DPP6: variants seen among roughly 807,000 people sequenced by gnomAD.
DPP6 encodes dipeptidyl peptidase like 6.
A neutral mutation model predicts 122.6 loss-of-function variants in DPP6; 69 were observed. The ratio of observed to expected loss-of-function variants is 0.56; its 90% CI spans 0.46 to 0.69. The LOEUF (loss-of-function observed/expected upper bound fraction) is 0.69. Ranked by LOEUF, DPP6 falls within the 30% of genes least tolerant of loss-of-function variation. DPP6 has a pLI of 0.00. For missense variants in DPP6, 928 were observed against 1,116.9 expected, an observed-to-expected ratio of 0.83 and a Z score of 2.41; for synonymous variants, 418 against 433.1, an observed-to-expected ratio of 0.97 and a Z score of 0.43.
At chr7:154,380,436 A>G (rs115986873) in intron 1 of DPP6, among the ~76,000 whole-genome samples, 1 of 152,230 alleles carries the variant, frequency 6.6e-6, no homozygotes, top group Non-Finnish European at 1.5e-5. Flanking sequence ...CGACATCTAC[A>G]TGAAGTGCAG....
At chr7:154,748,711 G>A (rs913144297) in intron 8 of DPP6, among the ~76,000 whole-genome samples, 7 of 152,184 alleles carry the variant, frequency 4.6e-5, no homozygotes, top group Admixed American at 3.9e-4. Context: ...TCACAGTGGA[G>A]GGTGTGAGCA....
intron 1 of DPP6, among the ~76,000 whole-genome samples, chr7:153,902,215 A>T (rs1034324063): frequency 2.0e-5 from 3 of 152,226 alleles, no homozygotes; most frequent in African/African-American, 7.2e-5. Flanking sequence ...TGTTTTCAAG[A>T]TAAACAGTAG....
At chr7:154,293,924 G>A (rs1805367392) in intron 1 of DPP6, among the ~76,000 whole-genome samples, 2 of 152,170 alleles carry the variant, frequency 1.3e-5, no homozygotes, top group Admixed American at 1.3e-4. Context: ...CACACAGGAT[G>A]CAAAGATGAA....
intron 1 of DPP6, among the ~76,000 whole-genome samples, chr7:154,213,761 T>C (rs1294070427): frequency 1.3e-5 from 2 of 152,010 alleles, no homozygotes; most frequent in African/African-American, 4.8e-5. Context: ...ATTGAAATCA[T>C]AGGAGCAGTC....
intron 7 of DPP6, among the ~76,000 whole-genome samples, chr7:154,692,933 C>A (rs10278359): frequency 0.99 from 150,733 of 152,158 alleles, 74,669 homozygotes; most frequent in East Asian, 1. Context: ...CTGGGACTAC[C>A]GGCACACACC....
chr7:154,534,869 A>G (rs896346731), intron 3 of DPP6, among the ~76,000 whole-genome samples: 4 of 152,128 alleles, frequency 2.6e-5, no homozygotes, highest in African/African-American at 9.7e-5. Flanking sequence ...GATAATTAAA[A>G]AATTTATATT....
upstream of DPP6, among the ~76,000 whole-genome samples, chr7:153,885,260 A>G (rs1401335099): frequency 6.6e-6 from 1 of 152,080 alleles, no homozygotes; most frequent in Non-Finnish European, 1.5e-5. Context: ...GACATTCAAC[A>G]GTGTAAGTGA....
intron 2 of DPP6, among the ~76,000 whole-genome samples, chr7:154,474,178 A>C (rs1409851309): frequency 6.6e-6 from 1 of 152,164 alleles, no homozygotes; most frequent in Non-Finnish European, 1.5e-5. Flanking sequence ...TGTGCCTCTA[A>C]TGGAGAGAGC....
intron 2 of DPP6, among the ~76,000 whole-genome samples, chr7:154,474,139 T>C (rs531692243): frequency 2.9e-4 from 44 of 152,314 alleles, no homozygotes; most frequent in African/African-American, 1.0e-3. Flanking sequence ...GACAGCCCTG[T>C]GTCTTTTCAA....
intron 1 of DPP6, among the ~76,000 whole-genome samples, chr7:154,327,562 T>C (rs1808556118): frequency 6.6e-6 from 1 of 152,156 alleles, no homozygotes; most frequent in African/African-American, 2.4e-5. Context: ...TGACCTCATG[T>C]CTTAGAAGAA....
chr7:154,574,760 GTA>G (rs1177003007), intron 5 of DPP6, among the ~76,000 whole-genome samples: 9 of 138,250 alleles, frequency 6.5e-5, no homozygotes, highest in Admixed American at 1.5e-4. Flanking sequence ...TGTTGTGTGT[GTA>G]TATGTGTGTG....
chr7:154,649,063 C>T (rs560132301), intron 6 of DPP6, among the ~76,000 whole-genome samples: 40 of 152,288 alleles, frequency 2.6e-4, no homozygotes, highest in African/African-American at 8.4e-4. Context: ...TCCACCCAGG[C>T]GAGCGCTGCC....
intron 1 of DPP6, among the ~76,000 whole-genome samples, chr7:154,062,854 C>A (rs1178620289): frequency 7.5e-6 from 1 of 134,158 alleles, no homozygotes; most frequent in Non-Finnish European, 1.6e-5. Context: ...GAGCCAGACC[C>A]TCTTCCTCCC....
chr7:154,204,238 C>T lies in DPP6; in HGVS notation c.243+151175C>T, dbSNP rs74741472. Among the ~76,000 whole-genome samples the T allele has an allele frequency of 4.1e-3, 626 of 152,252 alleles. 4 individuals carry two copies. The highest frequency in any genetic ancestry group is 0.014 in the African/African-American group (599 of 41,560). ...CCAGTCCCATCCGTGGACAAAATGCCCCCTGGAAAGTTGAACAGAGATTGC... is the reference window on the plus strand; with the variant it reads ...CCAGTCCCATCCGTGGACAAAATGCTCCCTGGAAAGTTGAACAGAGATTGC... On this transcript the variant is annotated intron_variant, in intron 1 of 25. Transcript: ENST00000377770.
chr7:154,285,287 G>A (rs1012089514), intron 1 of DPP6, among the ~76,000 whole-genome samples: 3 of 152,056 alleles, frequency 2.0e-5, no homozygotes, highest in Admixed American at 1.3e-4. Context: ...GTTTTGAGAT[G>A]GAGTTTTGCT....
rs1417188992 is a variant in DPP6 at position 154,074,129 on chromosome 7, A to ATATAGAGAGATATC, written c.243+21070_243+21071insGAGAGATATCTATA. Reference sequence around the variant, plus strand: ...GATAGAGAGATATATATAGATATCTATATATATCTCTCTATATATGTATAT... The same window carrying ATATAGAGAGATATC: ...GATAGAGAGATATATATAGATATCTATATAGAGAGATATCTATATATCTCTCTATATATGTATAT... On this transcript the variant is annotated intron_variant, in intron 1 of 25. Coordinates refer to ENST00000377770, the MANE Select transcript of DPP6 (RefSeq NM_130797.4). Among the ~76,000 whole-genome samples, 961 of 146,542 alleles carry ATATAGAGAGATATC rather than the reference A, an allele frequency of 6.6e-3. 21 individuals carry two copies. Among genetic ancestry groups the ATATAGAGAGATATC allele is most frequent in the Non-Finnish European group, 0.011 (714 of 66,350 alleles).
At chr7:154,484,721 A>G (rs1031440599) in intron 3 of DPP6, among the ~76,000 whole-genome samples, 14 of 152,228 alleles carry the variant, frequency 9.2e-5, no homozygotes, top group African/African-American at 3.4e-4. Context: ...GCTCATTTTC[A>G]TTAATCCAGC....
chr7:154,769,508 C>A lies in DPP6; in HGVS notation c.975C>A (p.Ile325=), dbSNP rs561437580. The A allele has an allele frequency of 2.5e-6, 4 of 1,613,686 alleles. No homozygotes were observed. Among genetic ancestry groups the A allele is most frequent in the South Asian group, 1.1e-5 (1 of 91,030 alleles). Residue 325 remains isoleucine (I), a synonymous_variant, in exon 9 of 26, where the codon ATC becomes ATA. Transcript: ENST00000377770. ...YAAINDSRVP[I]MELPTYTGSI... ...CCATCAATGATTCCCGTGTCCCCAT[C>A]ATGGAGCTCCCAACTTACACCGGCT...
At chr7:154,537,382 A>G (rs1332779442) in intron 3 of DPP6, among the ~76,000 whole-genome samples, 1 of 152,216 alleles carries the variant, frequency 6.6e-6, no homozygotes, top group Non-Finnish European at 1.5e-5. Context: ...GAAGATAGTA[A>G]GAAGTTTGAA....
Sources: allele counts gnomAD v4.1 joint callset (sites outside exome capture counted in the v4.1 genomes callset), GRCh38; gene constraint gnomAD v4.1.1; transcripts MANE v1.5; gene names NCBI Gene and HGNC (gene_info 2026-07-23, HGNC 2026-07-21).